SYT16: variants seen among roughly 807,000 people sequenced by gnomAD.
The protein encoded by SYT16 is synaptotagmin-16.
In SYT16, 42 loss-of-function variants were observed where a neutral mutation model predicts 61.4. The ratio of observed to expected loss-of-function variants is 0.68; its 90% CI spans 0.53 to 0.89. SYT16 has a LOEUF of 0.89. Among genes scored for constraint, SYT16 ranks in the 40% least tolerant of loss-of-function variants. The pLI, the probability that SYT16 is intolerant of heterozygous loss-of-function variation, is 0.00. For synonymous variants in SYT16, 314 were observed against 302.3 expected (o/e 1.04, Z -0.40); for missense variants, 804 against 807.3 (o/e 1.00, Z 0.05).
At chr14:61,850,689 C>G (rs1041057548) in intron 1 of SYT16, among the ~76,000 whole-genome samples, 1 of 152,128 alleles carries the variant, frequency 6.6e-6, no homozygotes, top group Non-Finnish European at 1.5e-5. Flanking sequence ...CAACAAAAAT[C>G]TATTGCTTTG....
chr14:62,075,460 C>T (rs1311440438), intron 5 of SYT16, 69 bp downstream of exon 5: 2 of 1,381,578 alleles, frequency 1.4e-6, no homozygotes, highest in African/African-American at 1.6e-5. Flanking sequence ...TCTCCTTTCT[C>T]ATCTCTCTAA....
chr14:62,005,795 T>C (rs2053197888), intron 3 of SYT16, among the ~76,000 whole-genome samples: 1 of 152,138 alleles, frequency 6.6e-6, no homozygotes, highest in African/African-American at 2.4e-5. Context: ...TATACACAAG[T>C]ATAAGCCACA....
chr14:62,013,345 C>T (rs1279087285), intron 3 of SYT16, among the ~76,000 whole-genome samples: 3 of 152,164 alleles, frequency 2.0e-5, no homozygotes, highest in African/African-American at 7.2e-5. Context: ...CCACTTCCAG[C>T]CCATGCCTTT....
intron 2 of SYT16, among the ~76,000 whole-genome samples, chr14:61,992,755 G>A (rs558733487): frequency 6.6e-6 from 1 of 152,226 alleles, no homozygotes; most frequent in East Asian, 1.9e-4. Context: ...AGGCTACATA[G>A]AAATGAGTGA....
intron 1 of SYT16, among the ~76,000 whole-genome samples, chr14:61,917,693 T>C (rs2049173119): frequency 1.3e-5 from 2 of 152,140 alleles, no homozygotes; most frequent in Admixed American, 1.3e-4. Context: ...CTTTTTTTTG[T>C]CACTTGCAAA....
chr14:62,000,968 G>A (rs1022309719), intron 3 of SYT16, among the ~76,000 whole-genome samples: 3 of 152,000 alleles, frequency 2.0e-5, no homozygotes, highest in African/African-American at 7.2e-5. Context: ...AGGCTGAGGT[G>A]GGAGGAATGC....
In SYT16 at chr14:62,050,091, C is replaced by T. The variant is rs918084945; in HGVS notation, c.524-19512C>T. Among the ~76,000 whole-genome samples the T allele has an allele frequency of 1.2e-4, 18 of 152,308 alleles. No homozygotes were observed. The East Asian group carries it at 1.9e-3, about 16-fold the overall frequency. ...TTTTCCAACTTGCCTCCATTCTGCC[C>T]GTCACTTTCAGGTACACCAGTCAGA... On this transcript the variant is annotated intron_variant, in intron 3 of 7. Transcript: ENST00000683842.
chr14:62,093,583 C>T (rs1245115739), intron 7 of SYT16, among the ~76,000 whole-genome samples: 1 of 151,986 alleles, frequency 6.6e-6, no homozygotes, highest in Non-Finnish European at 1.5e-5. Context: ...ATGAATTGGG[C>T]TTAGCTCAGG....
intron 2 of SYT16, among the ~76,000 whole-genome samples, chr14:61,980,586 A>G (rs1595072876): frequency 6.6e-6 from 1 of 152,318 alleles, no homozygotes; most frequent in African/African-American, 2.4e-5. Flanking sequence ...GAGAATATTT[A>G]TTCATCCATT....
At chr14:61,980,874 C>T (rs2052040026) in intron 2 of SYT16, among the ~76,000 whole-genome samples, 1 of 152,102 alleles carries the variant, frequency 6.6e-6, no homozygotes, top group Non-Finnish European at 1.5e-5. Context: ...GGCAGAAAAA[C>T]TGAAAATTCT....
rs531434391 is a variant in SYT16 at position 61,950,593 on chromosome 14, A to C, written c.-324-19539A>C. Among the ~76,000 whole-genome samples, 3 of 152,288 alleles carry C rather than the reference A, an allele frequency of 2.0e-5. No individual in the cohort carries two copies. The East Asian group carries it at 5.8e-4, about 29-fold the overall frequency. ...TTTCTAATGTGTCACAATAATAACA[A>C]TGCTGAATCCTATTGCTGTTCAGCT... On this transcript the variant is annotated intron_variant, in intron 1 of 7. Transcript: ENST00000683842.
intron 1 of SYT16, 77 bp from the exon 2 acceptor site, chr14:61,970,055 T>C (rs1372846859): frequency 1.3e-5 from 2 of 152,176 alleles, no homozygotes; most frequent in African/African-American, 4.8e-5. Flanking sequence ...TGAATAGCAT[T>C]GATCACAATT....
At chr14:62,026,218 G>C (rs896036250) in intron 3 of SYT16, among the ~76,000 whole-genome samples, 4 of 152,134 alleles carry the variant, frequency 2.6e-5, no homozygotes, top group Non-Finnish European at 4.4e-5. Context: ...TGTCTCCCAT[G>C]ATCCATACAA....
intron 3 of SYT16, among the ~76,000 whole-genome samples, chr14:62,058,324 A>C (rs1469135387): frequency 7.0e-6 from 1 of 143,210 alleles, no homozygotes; most frequent in Non-Finnish European, 1.5e-5. Context: ...GGTCAAATGT[A>C]TGTTATGTTT....
intron 1 of SYT16, among the ~76,000 whole-genome samples, chr14:61,933,904 A>G (rs190861708): frequency 8.5e-4 from 129 of 152,338 alleles, no homozygotes; most frequent in Non-Finnish European, 1.2e-4. Context: ...ATTTTAATAC[A>G]AATTGTGTGT....
At chr14:62,049,189 G>A (rs1045823558) in intron 3 of SYT16, among the ~76,000 whole-genome samples, 30 of 152,206 alleles carry the variant, frequency 2.0e-4, no homozygotes, top group African/African-American at 7.2e-4. Flanking sequence ...ATTTAGGATA[G>A]TTAGCTCTTC....
At position 62,100,466 on chromosome 14, in the gene SYT16, G is replaced by A. The variant is rs760675924; in HGVS notation, c.1697G>A (p.Arg566His). The A allele has an allele frequency of 2.4e-5, 38 of 1,613,258 alleles. No individual in the cohort carries two copies. Among genetic ancestry groups the A allele is most frequent in the Non-Finnish European group, 1.7e-5 (20 of 1,179,674 alleles). ...EMSRCKTSIR[R>H]GQPNPVYKET... is the part of the protein sequence containing the mutation. ...TCCCGTTGCAAGACGTCCATTCGGC[G>A]TGGTCAGCCCAATCCTGTCTATAAG... The change falls in exon 8 of 8, where the codon CGT (arginine) becomes CAT (histidine). Residue 566 changes from arginine (R) to histidine (H), a missense_variant. Transcript: ENST00000683842.
At chr14:62,014,988 T>G (rs1387602308) in intron 3 of SYT16, among the ~76,000 whole-genome samples, 1 of 152,206 alleles carries the variant, frequency 6.6e-6, no homozygotes, top group African/African-American at 2.4e-5. Flanking sequence ...TCGTGAAAAC[T>G]GTTCATCTTT....
chr14:61,888,577 A>G (rs937823715), intron 1 of SYT16, among the ~76,000 whole-genome samples: 1 of 152,234 alleles, frequency 6.6e-6, no homozygotes, highest in Non-Finnish European at 1.5e-5. Flanking sequence ...GTGGCACCCA[A>G]AACAATTACA....
Sources: gnomAD v4.1 joint callset for allele counts (sites outside exome capture counted in the v4.1 genomes callset) on GRCh38, gnomAD v4.1.1 for gene constraint, MANE v1.5 for transcripts, NCBI Gene and HGNC (gene_info 2026-07-23, HGNC 2026-07-21) for gene names.